Variants in DYNLT2B observed in about 807,000 individuals in gnomAD.
DYNLT2B encodes the protein dynein light chain Tctex-type 2B, also known as dynein light chain Tctex-type protein 2B.
In DYNLT2B, 14 loss-of-function variants were observed where a neutral mutation model predicts 19.5. The ratio of observed to expected loss-of-function variants is 0.72; its 90% CI spans 0.47 to 1.12. DYNLT2B has a LOEUF of 1.12. Among genes scored for constraint, DYNLT2B ranks in the 50% most tolerant of loss-of-function variants. The pLI, the probability that DYNLT2B is intolerant of heterozygous loss-of-function variation, is 0.00. For synonymous variants in DYNLT2B, 70 were observed against 59.7 expected, an observed-to-expected ratio of 1.17 and a Z score of -0.79; for missense variants, 133 against 174.7, an observed-to-expected ratio of 0.76 and a Z score of 1.35.
At chr3:196,301,068 A>G (rs1366152770) in intron 3 of DYNLT2B, among the ~76,000 whole-genome samples, 1 of 151,192 alleles carries the variant, frequency 6.6e-6, no homozygotes, top group Admixed American at 6.6e-5. Flanking sequence ...TCAAAAAAGA[A>G]AAAAAAAAGG....
rs745720115 is a variant in DYNLT2B at position 196,318,158 on chromosome 3, G to T, written c.-6C>A. 99 of 1,501,360 alleles carry T rather than the reference G, an allele frequency of 6.6e-5. No individual in the cohort carries two copies. Among genetic ancestry groups the T allele is most frequent in the Non-Finnish European group, 8.6e-5 (97 of 1,128,608 alleles). 93.0% of individuals were successfully genotyped at this position (1,501,360 alleles called of 1,614,324 possible). ...ACTCCGATGGACGTGGCCATGCCGG[G>T]GCTTCTCGGTCCGGGCGTAGCTCGC... On this transcript the variant is annotated 5_prime_UTR_variant, in exon 1 of 5. Transcript: ENST00000325318.
chr3:196,313,792 G>C (rs1287664206), intron 2 of DYNLT2B, among the ~76,000 whole-genome samples: 1 of 152,048 alleles, frequency 6.6e-6, no homozygotes, highest in Non-Finnish European at 1.5e-5. Flanking sequence ...AACTGCCTTT[G>C]GTTAATATTT....
intron 3 of DYNLT2B, among the ~76,000 whole-genome samples, chr3:196,301,918 A>C (rs1726364317): frequency 6.6e-6 from 1 of 152,102 alleles, no homozygotes; most frequent in South Asian, 2.1e-4. Context: ...AACAGAAAAG[A>C]GGATGATTGA....
At chr3:196,293,645 C>CTTT (rs1726146702) in intron 4 of DYNLT2B, among the ~76,000 whole-genome samples, 6 of 91,696 alleles carry the variant, frequency 6.5e-5, no homozygotes, top group Admixed American at 2.7e-4. Flanking sequence ...AAACAAGATG[C>CTTT]ATTTTTTTTT....
chr3:196,302,330 G>C (rs1173966872), intron 3 of DYNLT2B, among the ~76,000 whole-genome samples: 1 of 152,090 alleles, frequency 6.6e-6, no homozygotes, highest in African/African-American at 2.4e-5. Flanking sequence ...CATTGAACAG[G>C]GGCTCCTTGG....
intron 2 of DYNLT2B, among the ~76,000 whole-genome samples, chr3:196,307,893 A>T (rs978237311): frequency 2.6e-5 from 4 of 151,650 alleles, no homozygotes; most frequent in African/African-American, 9.7e-5. Flanking sequence ...AAGCCTGGCC[A>T]ACATGGTTAA....
intron 1 of DYNLT2B, among the ~76,000 whole-genome samples, chr3:196,317,578 G>A (rs1726908846): frequency 6.6e-6 from 1 of 152,040 alleles, no homozygotes; most frequent in Non-Finnish European, 1.5e-5. Flanking sequence ...AGGGCTCGCT[G>A]CGGTGGTCTA....
chr3:196,296,975 C>T (rs1461152365), intron 3 of DYNLT2B, among the ~76,000 whole-genome samples: 11 of 148,732 alleles, frequency 7.4e-5, no homozygotes, highest in African/African-American at 2.7e-4. Context: ...GGGCAGATCA[C>T]GAGGTCGGGG....
chr3:196,310,956 G>C (rs1371842551), intron 2 of DYNLT2B, among the ~76,000 whole-genome samples: 1 of 151,930 alleles, frequency 6.6e-6, no homozygotes, highest in African/African-American at 2.4e-5. Context: ...GGGTGGTCAT[G>C]AACTCCTGAG....
intron 3 of DYNLT2B, among the ~76,000 whole-genome samples, chr3:196,302,917 T>G (rs1726391831): frequency 6.6e-6 from 1 of 151,868 alleles, no homozygotes; most frequent in African/African-American, 2.4e-5. Flanking sequence ...GTAACAGCCC[T>G]TTCCCAAAGC....
intron 2 of DYNLT2B, among the ~76,000 whole-genome samples, chr3:196,312,647 C>T (rs1047371455): frequency 2.0e-5 from 3 of 152,052 alleles, no homozygotes; most frequent in African/African-American, 2.4e-5. Context: ...TTCGTAGAGA[C>T]GGGGTTTCAC....
intron 4 of DYNLT2B, among the ~76,000 whole-genome samples, chr3:196,295,093 C>T (rs981541779): frequency 6.6e-6 from 1 of 152,120 alleles, no homozygotes; most frequent in African/African-American, 2.4e-5. Flanking sequence ...AACTCTGACT[C>T]TATGTATTCA....
Position 196,316,152 on chromosome 3 carries a change from C to A in DYNLT2B, c.193G>T (p.Glu65Ter), listed in dbSNP as rs139538330. 2 of 1,613,784 alleles carry A rather than the reference C, an allele frequency of 1.2e-6. No homozygotes were observed. Among genetic ancestry groups the A allele is most frequent in the Admixed American group, 1.7e-5 (1 of 59,960 alleles). The change falls in exon 2 of 5, where the codon GAA becomes TAA. Residue 65 changes from glutamate (E) to a stop codon, truncating the protein, a stop_gained. Transcript: ENST00000325318. LOFTEE classifies it high-confidence loss of function. ...ELANAEYSPE[E>*]MPQLTKHLSE... ...AAATGTTTTGTAAGCTGAGGCATTT[C>A]TTCTGGAGAATATTCAGCATTTGCC...
chr3:196,310,573 C>T (rs902408442), intron 2 of DYNLT2B, among the ~76,000 whole-genome samples: 1 of 151,508 alleles, frequency 6.6e-6, no homozygotes, highest in Admixed American at 6.6e-5. Context: ...GGATTACAGG[C>T]ACGCACCACC....
chr3:196,298,122 C>T (rs1726267289), intron 3 of DYNLT2B: 1 of 340,050 alleles, frequency 2.9e-6, no homozygotes. Flanking sequence ...ATTTTATTAC[C>T]AGTTTTCAAC....
chr3:196,296,852 A>C (rs6779233), intron 3 of DYNLT2B, among the ~76,000 whole-genome samples: 117,630 of 151,900 alleles, frequency 0.77, 45,763 homozygotes, highest in East Asian at 0.9. Context: ...GAGTTCAGGG[A>C]TGTAGTATGT....
At chr3:196,292,908 C>T (rs1348011150) in intron 4 of DYNLT2B, among the ~76,000 whole-genome samples, 1 of 152,208 alleles carries the variant, frequency 6.6e-6, no homozygotes, top group East Asian at 1.9e-4. Flanking sequence ...GGCTGGAGTG[C>T]AGTGGCACAA....
intron 4 of DYNLT2B, chr3:196,292,379 C>T (rs1219705568): frequency 2.0e-5 from 3 of 152,166 alleles, no homozygotes; most frequent in Non-Finnish European, 2.9e-5. Flanking sequence ...TTGGTTTAGC[C>T]CAGCTCCCTG....
Position 196,318,080 on chromosome 3 carries a change from G to A in DYNLT2B, c.73C>T (p.Pro25Ser), listed in dbSNP as rs772060353. Residue 25 changes from proline (P) to serine (S), a missense_variant, in exon 1 of 5, where the codon CCC becomes TCC. Coordinates refer to ENST00000325318, the MANE Select transcript of DYNLT2B (RefSeq NM_152773.5). Reference protein sequence around the residue: ...VPEAEKNAGEPENTYILRPVF... With the variant: ...VPEAEKNAGESENTYILRPVF... ...GGCCGCAGAATATAGGTGTTCTCGG[G>A]CTCCCCTGCGTTCTTCTCAGCCTCA... 1.3e-6 allele frequency: 2 copies of A among 1,564,874 alleles called. No homozygotes were observed. Among genetic ancestry groups the A allele is most frequent in the Middle Eastern group, 1.7e-4 (1 of 5,946 alleles).
Sources: allele counts gnomAD v4.1 joint callset (sites outside exome capture counted in the v4.1 genomes callset), GRCh38; gene constraint gnomAD v4.1.1; transcripts MANE v1.5; gene names NCBI Gene and HGNC (gene_info 2026-07-23, HGNC 2026-07-21).